CRACDL: variants seen among roughly 807,000 people sequenced by gnomAD.
CRACDL encodes CRACD-like protein.
In CRACDL, 26 loss-of-function variants were observed where a neutral mutation model predicts 70.6. That is an observed-to-expected ratio of 0.37 (90% CI 0.27 to 0.51). CRACDL has a LOEUF of 0.51. CRACDL is among the 20% of genes least tolerant of loss of function. CRACDL has a pLI of 0.94. For synonymous variants in CRACDL, 618 were observed against 615.2 expected, an observed-to-expected ratio of 1.00 and a Z score of -0.07; for missense variants, 1,283 against 1,376.9, an observed-to-expected ratio of 0.93 and a Z score of 1.08.
chr2:98,812,718 T>G (rs1269944033), intron 7 of CRACDL, among the ~76,000 whole-genome samples: 7 of 152,038 alleles, frequency 4.6e-5, no homozygotes, highest in Non-Finnish European at 8.8e-5. Context: ...TTTGTTTTTT[T>G]TTTTACTATT....
intron 1 of CRACDL, among the ~76,000 whole-genome samples, chr2:98,900,917 G>A (rs1185377907): frequency 6.6e-6 from 1 of 152,176 alleles, no homozygotes; most frequent in Non-Finnish European, 1.5e-5. Context: ...GAAGGAGAAG[G>A]TCACCCGGCT....
chr2:98,868,449 TA>T (rs1046616321), intron 1 of CRACDL, among the ~76,000 whole-genome samples: 18 of 152,240 alleles, frequency 1.2e-4, no homozygotes, highest in African/African-American at 4.1e-4. Context: ...AAATGAATTT[TA>T]ATCAAGCCAT....
chr2:98,899,234 C>A (rs1296340966), intron 1 of CRACDL, among the ~76,000 whole-genome samples: 4 of 152,232 alleles, frequency 2.6e-5, no homozygotes, highest in Non-Finnish European at 4.4e-5. Flanking sequence ...TGCCAGCCTG[C>A]GGGCCGCTGG....
At chr2:98,851,673 A>G (rs116696172) in intron 1 of CRACDL, among the ~76,000 whole-genome samples, 1,756 of 152,324 alleles carry the variant, frequency 0.012, 21 homozygotes, top group Non-Finnish European at 0.018. Context: ...TCTCAGAGCT[A>G]AGTATTTTAA....
chr2:98,811,554 C>CATTTATA (rs1243464807), intron 7 of CRACDL, among the ~76,000 whole-genome samples: 1 of 145,770 alleles, frequency 6.9e-6, no homozygotes, highest in African/African-American at 2.5e-5. Context: ...ATTATTCTTA[C>CATTTATA]ATTTATAGAT....
At chr2:98,918,081 T>A (rs1266208105) in intron 1 of CRACDL, among the ~76,000 whole-genome samples, 5 of 152,212 alleles carry the variant, frequency 3.3e-5, no homozygotes, top group Non-Finnish European at 7.3e-5. Context: ...GTGATGAACA[T>A]AAAAGTGCAG....
intron 1 of CRACDL, among the ~76,000 whole-genome samples, chr2:98,878,386 C>T (rs1707545513): frequency 6.6e-6 from 1 of 152,182 alleles, no homozygotes; most frequent in African/African-American, 2.4e-5. Flanking sequence ...ATTACAATTG[C>T]CTACAGTGTT....
chr2:98,914,628 C>G (rs957938271), intron 1 of CRACDL, among the ~76,000 whole-genome samples: 2 of 152,218 alleles, frequency 1.3e-5, no homozygotes, highest in Non-Finnish European at 2.9e-5. Flanking sequence ...CCCTGCCCCC[C>G]ACCAGCCTTC....
chr2:98,889,698 A>G (rs1558624861), intron 1 of CRACDL, among the ~76,000 whole-genome samples: 4 of 152,234 alleles, frequency 2.6e-5, no homozygotes. Flanking sequence ...ATCCAGTAAT[A>G]GCAGAATTCA....
chr2:98,914,016 C>T (rs1183050292), intron 1 of CRACDL, among the ~76,000 whole-genome samples: 1 of 152,254 alleles, frequency 6.6e-6, no homozygotes, highest in Non-Finnish European at 1.5e-5. Flanking sequence ...CCAGAATGGG[C>T]ATTGTATGTG....
intron 1 of CRACDL, among the ~76,000 whole-genome samples, chr2:98,850,626 A>C (rs911901788): frequency 2.6e-5 from 4 of 152,140 alleles, no homozygotes; most frequent in African/African-American, 9.7e-5. Flanking sequence ...GTCCAAGTTA[A>C]AGAAAACTTA....
chr2:98,931,321 T>A (rs181942077), intron 1 of CRACDL, among the ~76,000 whole-genome samples: 34 of 86,768 alleles, frequency 3.9e-4, no homozygotes, highest in African/African-American at 1.9e-3. Context: ...CAAGACTCCA[T>A]CTCAAAAAAA....
chr2:98,830,260 A>C (rs760300990), intron 5 of CRACDL, among the ~76,000 whole-genome samples: 1 of 152,230 alleles, frequency 6.6e-6, no homozygotes, highest in Non-Finnish European at 1.5e-5. Context: ...ATATTTCCTG[A>C]AAAACTTATT....
At chr2:98,928,896 A>C (rs1257572408) in intron 1 of CRACDL, among the ~76,000 whole-genome samples, 1 of 152,156 alleles carries the variant, frequency 6.6e-6, no homozygotes, top group Non-Finnish European at 1.5e-5. Flanking sequence ...ACCATCCAAA[A>C]CTACATGGAA....
intron 4 of CRACDL, 35 bp downstream of exon 4, chr2:98,832,827 T>C (rs776833746): frequency 4.3e-6 from 7 of 1,611,796 alleles, no homozygotes; most frequent in Non-Finnish European, 5.9e-6. Flanking sequence ...ATATTTGACT[T>C]GCACACCAGG....
chr2:98,825,642 A>G (rs1219320697), intron 6 of CRACDL, among the ~76,000 whole-genome samples: 1 of 152,232 alleles, frequency 6.6e-6, no homozygotes, highest in Non-Finnish European at 1.5e-5. Context: ...ATTCAGCACG[A>G]GTACAGGCAG....
Position 98,821,885 on chromosome 2 carries a change from C to T in CRACDL, c.2388G>A (p.Ala796=), listed in dbSNP as rs774643068. 6.2e-6 allele frequency: 10 copies of T among 1,606,582 alleles called. No individual in the cohort carries two copies. Among genetic ancestry groups the T allele is most frequent in the East Asian group, 4.5e-5 (2 of 44,648 alleles). Residue 796 remains alanine, a synonymous_variant, in exon 7 of 10, where the codon GCG becomes GCA. Coordinates refer to ENST00000397899, the MANE Select transcript of CRACDL (RefSeq NM_207362.3). ...CTCCCCTGCGCAGCGGCCTTTTCTC[C>T]GCCGTCCTGGGCTCCTTCCTGGGTT... is the stretch of plus-strand genomic sequence containing the variant. ...EREPRKEPRT[A]EKRPLRRGAE...
At position 98,889,285 on chromosome 2, in the gene CRACDL, G is replaced by GAGAAAGAAAGAAAGAAAGAA. The variant is rs55635946; in HGVS notation, c.-10-42495_-10-42476dup. On this transcript the variant is annotated intron_variant, in intron 1 of 9. Coordinates refer to ENST00000397899, the MANE Select transcript of CRACDL (RefSeq NM_207362.3). ...AGAAAGAAAGAAACAGAAAAAGAGAGAGAAAGAAAGAAAGAAAGAAAGAAA... is the reference window on the plus strand; with the variant it reads ...AGAAAGAAAGAAACAGAAAAAGAGAGAGAAAGAAAGAAAGAAAGAAAGAAAGAAAGAAAGAAAGAAAGAAA... Among the ~76,000 whole-genome samples, 588 of 141,064 alleles carry GAGAAAGAAAGAAAGAAAGAA rather than the reference G, an allele frequency of 4.2e-3. 8 individuals are homozygous for GAGAAAGAAAGAAAGAAAGAA. Among genetic ancestry groups the GAGAAAGAAAGAAAGAAAGAA allele is most frequent in the Middle Eastern group, 0.011 (3 of 280 alleles). 92.5% of individuals were successfully genotyped at this position (141,064 alleles called of 152,430 possible).
chr2:98,869,490 C>G, intron 1 of CRACDL: 1 of 239,486 alleles, frequency 4.2e-6, no homozygotes, highest in Non-Finnish European at 8.4e-6. Flanking sequence ...CACTGAGTTG[C>G]TTGGGCTTTG....
Sources: allele counts gnomAD v4.1 joint callset (sites outside exome capture counted in the v4.1 genomes callset), GRCh38; gene constraint gnomAD v4.1.1; transcripts MANE v1.5; gene names NCBI Gene and HGNC (gene_info 2026-07-23, HGNC 2026-07-21).